LRRC4C: variants seen among roughly 807,000 people sequenced by gnomAD.
The protein encoded by LRRC4C is leucine-rich repeat-containing protein 4C.
A neutral mutation model predicts 33.6 loss-of-function variants in LRRC4C; 5 were observed. The ratio of observed to expected loss-of-function variants is 0.15; its 90% CI spans 0.08 to 0.31. The LOEUF (loss-of-function observed/expected upper bound fraction) is 0.31, where lower values mean the gene tolerates loss of function less well. Among genes scored for constraint, LRRC4C ranks in the 10% least tolerant of loss-of-function variants. The pLI is 1.00. For synonymous variants in LRRC4C, 329 were observed against 302.0 expected, an observed-to-expected ratio of 1.09 and a Z score of -0.93; for missense variants, 560 against 796.7, an observed-to-expected ratio of 0.70 and a Z score of 3.58.
rs567935330 is a variant in LRRC4C at position 40,630,554 on chromosome 11, A to G, written c.-270+17588T>C. On this transcript the variant is annotated intron_variant, in intron 3 of 6. Coordinates refer to ENST00000528697, the MANE Select transcript of LRRC4C (RefSeq NM_001258419.2). ...ATATAAAACATGTTCTCTCATTATC[A>G]CTATTTGGTAATTCATAATACTGAG... 2.0e-5 allele frequency among the ~76,000 whole-genome samples: 3 copies of G among 152,016 alleles called. No individual in the cohort carries two copies. In the South Asian group the frequency reaches 6.2e-4, roughly 31 times the overall value.
intron 3 of LRRC4C, among the ~76,000 whole-genome samples, chr11:40,344,195 C>T (rs1947014119): frequency 6.6e-6 from 1 of 151,802 alleles, no homozygotes; most frequent in African/African-American, 2.4e-5. Flanking sequence ...AGAGATACAA[C>T]AAAAAAAGAA....
At chr11:40,218,467 A>T (rs1864131513) in intron 5 of LRRC4C, among the ~76,000 whole-genome samples, 1 of 152,190 alleles carries the variant, frequency 6.6e-6, no homozygotes, top group Non-Finnish European at 1.5e-5. Flanking sequence ...TGAATCTGAA[A>T]TAAGAATATG....
intron 3 of LRRC4C, among the ~76,000 whole-genome samples, chr11:40,531,478 A>G (rs1157154603): frequency 6.6e-6 from 1 of 152,152 alleles, no homozygotes; most frequent in East Asian, 1.9e-4. Flanking sequence ...GAAGGAACAG[A>G]TAGAAGAAAA....
intron 3 of LRRC4C, among the ~76,000 whole-genome samples, chr11:40,405,860 A>G (rs1377861213): frequency 6.6e-6 from 1 of 151,786 alleles, no homozygotes; most frequent in Non-Finnish European, 1.5e-5. Flanking sequence ...AATACTCTAG[A>G]AAATAGAGGA....
chr11:41,235,332 C>T (rs1947973602), intron 1 of LRRC4C, among the ~76,000 whole-genome samples: 2 of 151,988 alleles, frequency 1.3e-5, no homozygotes, highest in Admixed American at 1.3e-4. Context: ...CATTTTGGTC[C>T]TTTCCATTTG....
intron 1 of LRRC4C, among the ~76,000 whole-genome samples, chr11:41,303,018 T>A (rs1016731577): frequency 2.6e-5 from 4 of 152,186 alleles, no homozygotes; most frequent in African/African-American, 9.7e-5. Flanking sequence ...ATTAAAATGT[T>A]AATATTTTGT....
chr11:41,103,298 A>G (rs1020144991), intron 1 of LRRC4C, among the ~76,000 whole-genome samples: 1 of 151,992 alleles, frequency 6.6e-6, no homozygotes, highest in African/African-American at 2.4e-5. Flanking sequence ...TGTTGTTCAG[A>G]GTAGTTCCAT....
intron 2 of LRRC4C, among the ~76,000 whole-genome samples, chr11:40,909,352 T>C (rs1304513382): frequency 6.6e-6 from 1 of 152,064 alleles, no homozygotes; most frequent in Admixed American, 6.6e-5. Flanking sequence ...ATATTTGAAG[T>C]CAACATTCAA....
At chr11:41,416,419 T>C (rs1191354620) in intron 1 of LRRC4C, among the ~76,000 whole-genome samples, 1 of 152,048 alleles carries the variant, frequency 6.6e-6, no homozygotes, top group East Asian at 1.9e-4. Flanking sequence ...TAAAACTTGG[T>C]TGGCAAAACC....
chr11:40,696,988 G>A (rs1945596815), intron 2 of LRRC4C, among the ~76,000 whole-genome samples: 1 of 151,636 alleles, frequency 6.6e-6, no homozygotes, highest in Admixed American at 6.6e-5. Context: ...TGACTCTTGT[G>A]GCCTCATGGT....
chr11:40,387,692 A>T (rs1949164708), intron 3 of LRRC4C, among the ~76,000 whole-genome samples: 1 of 152,210 alleles, frequency 6.6e-6, no homozygotes, highest in Non-Finnish European at 1.5e-5. Flanking sequence ...GACAGTGCAC[A>T]TGTCAGAAAA....
chr11:40,447,296 G>T (rs1951681590), intron 3 of LRRC4C, among the ~76,000 whole-genome samples: 1 of 152,062 alleles, frequency 6.6e-6, no homozygotes, highest in Non-Finnish European at 1.5e-5. Flanking sequence ...TTCTTGCTTT[G>T]GAAACAAATA....
chr11:40,731,886 C>G (rs1947602553), intron 2 of LRRC4C, among the ~76,000 whole-genome samples: 1 of 151,980 alleles, frequency 6.6e-6, no homozygotes, highest in Non-Finnish European at 1.5e-5. Flanking sequence ...CTTCTGACAA[C>G]AATATTTAGC....
chr11:40,643,804 A>C (rs963855331), intron 3 of LRRC4C, among the ~76,000 whole-genome samples: 1 of 152,106 alleles, frequency 6.6e-6, no homozygotes, highest in Non-Finnish European at 1.5e-5. Context: ...AGGTGAAAAA[A>C]CATGAGCTTC....
intron 3 of LRRC4C, among the ~76,000 whole-genome samples, chr11:40,586,180 A>T (rs1170063192): frequency 6.6e-6 from 1 of 151,872 alleles, no homozygotes; most frequent in African/African-American, 2.4e-5. Flanking sequence ...CTGGTGTGAG[A>T]TGGTATCTCA....
In LRRC4C at chr11:40,905,395, GA is replaced by G. The variant is rs78367582; in HGVS notation, c.-407+28239del. ...CTCAGGGCTCACATATAGAAGGCAG[GA>G]AAAAAAAAAAAGTACCATCTTTGAG... On this transcript the variant is annotated intron_variant, in intron 2 of 6. Coordinates refer to ENST00000528697, the MANE Select transcript of LRRC4C (RefSeq NM_001258419.2). Among the ~76,000 whole-genome samples, 1,370 of 143,000 alleles carry G rather than the reference GA, an allele frequency of 9.6e-3. 20 individuals carry two copies. Among genetic ancestry groups the G allele is most frequent in the South Asian group, 0.048 (218 of 4,532 alleles). 93.8% of individuals were successfully genotyped at this position (143,000 alleles called of 152,430 possible). A position where few individuals can be genotyped will look rare whatever the true frequency, so the allele number is the denominator to read the frequency against.
At chr11:40,158,571 A>G (rs534907479) in intron 5 of LRRC4C, among the ~76,000 whole-genome samples, 3 of 116,892 alleles carry the variant, frequency 2.6e-5, no homozygotes, top group African/African-American at 9.2e-5. Flanking sequence ...AGCTTAAAAC[A>G]TACTTATCAA....
At chr11:40,169,969 A>G (rs1378594229) in intron 5 of LRRC4C, among the ~76,000 whole-genome samples, 1 of 152,172 alleles carries the variant, frequency 6.6e-6, no homozygotes, top group Non-Finnish European at 1.5e-5. Flanking sequence ...TAGTTACGAG[A>G]CAGGTTTAAT....
At chr11:40,486,428 G>A (rs1953869172) in intron 3 of LRRC4C, among the ~76,000 whole-genome samples, 1 of 151,944 alleles carries the variant, frequency 6.6e-6, no homozygotes, top group Non-Finnish European at 1.5e-5. Context: ...GGGGAAAATA[G>A]GAAATTATTG....
Sources: allele counts gnomAD v4.1 joint callset (sites outside exome capture counted in the v4.1 genomes callset), GRCh38; gene constraint gnomAD v4.1.1; transcripts MANE v1.5; gene names NCBI Gene and HGNC (gene_info 2026-07-23, HGNC 2026-07-21).